CNTNAP2: variants seen among roughly 807,000 people sequenced by gnomAD.
CNTNAP2 encodes contactin associated protein 2.
A neutral mutation model predicts 155.2 loss-of-function variants in CNTNAP2; 98 were observed. That is an observed-to-expected ratio of 0.63 (90% CI 0.54 to 0.75). The LOEUF is 0.75. CNTNAP2 is among the 30% of genes least tolerant of loss of function. The pLI is 0.00. For synonymous variants in CNTNAP2, 651 were observed against 631.2 expected, an observed-to-expected ratio of 1.03 and a Z score of -0.47; for missense variants, 1,727 against 1,688.1, an observed-to-expected ratio of 1.02 and a Z score of -0.40.
chr7:146,352,949 T>G (rs1294817708), intron 1 of CNTNAP2, among the ~76,000 whole-genome samples: 1 of 151,560 alleles, frequency 6.6e-6, no homozygotes, highest in Non-Finnish European at 1.5e-5. Flanking sequence ...AGAGACAGGA[T>G]TTCACCCTGT....
At chr7:146,616,599 A>G (rs537932513) in intron 1 of CNTNAP2, among the ~76,000 whole-genome samples, 1 of 152,150 alleles carries the variant, frequency 6.6e-6, no homozygotes, top group Non-Finnish European at 1.5e-5. Flanking sequence ...TATAGTCAAA[A>G]AAAAGCTGAT....
chr7:147,833,398 A>G (rs939712470), intron 13 of CNTNAP2, among the ~76,000 whole-genome samples: 1 of 152,188 alleles, frequency 6.6e-6, no homozygotes, highest in Non-Finnish European at 1.5e-5. Flanking sequence ...TCCGAGCTCC[A>G]GAGAGCAGTG....
chr7:146,364,370 T>G (rs149229016), intron 1 of CNTNAP2, among the ~76,000 whole-genome samples: 15 of 152,322 alleles, frequency 9.8e-5, no homozygotes, highest in African/African-American at 3.1e-4. Context: ...TATATGCAAC[T>G]CACTGCTGAC....
At chr7:147,468,265 G>C (rs1224203798) in intron 10 of CNTNAP2, among the ~76,000 whole-genome samples, 1 of 152,162 alleles carries the variant, frequency 6.6e-6, no homozygotes, top group Non-Finnish European at 1.5e-5. Flanking sequence ...TCCAGTCTGA[G>C]AAAGACCCTG....
intron 1 of CNTNAP2, among the ~76,000 whole-genome samples, chr7:146,416,267 CATATATACCTAT>C (rs539291111): frequency 1.8e-4 from 27 of 150,248 alleles, no homozygotes; most frequent in Middle Eastern, 7.1e-3. Context: ...CATATATATA[CATATATACCTAT>C]ATATATACCT....
Position 146,923,478 on chromosome 7 carries a change from TATA to T in CNTNAP2, c.402+83578_402+83580del, listed in dbSNP as rs375222029. On this transcript the variant is annotated intron_variant, in intron 3 of 23. Transcript: ENST00000361727. ...TCATTGCTTGGCACAGTCGCTAGCA[TATA>T]ATATGTGCTTAGCAATATTTTTAAA... 7.1e-4 allele frequency among the ~76,000 whole-genome samples: 108 copies of T among 152,300 alleles called. No individual in the cohort carries two copies. The East Asian group carries it at 0.014, about 20-fold the overall frequency.
chr7:146,384,891 A>T (rs1795438603), intron 1 of CNTNAP2, among the ~76,000 whole-genome samples: 1 of 152,158 alleles, frequency 6.6e-6, no homozygotes, highest in African/African-American at 2.4e-5. Context: ...TATTTGCCTG[A>T]TTGAGCATAA....
At position 146,801,250 on chromosome 7, in the gene CNTNAP2, C is replaced by T. The variant is rs189432310; in HGVS notation, c.208+26869C>T. ...CATGAACTAATAGAGTGAGAACTCA[C>T]TCAGTACCAAGAGGACAGCACCAAG... On this transcript the variant is annotated intron_variant, in intron 2 of 23. Transcript: ENST00000361727. Among the ~76,000 whole-genome samples, 152 of 152,202 alleles carry T rather than the reference C, an allele frequency of 1.0e-3. 6 individuals are homozygous for T. In the South Asian group the frequency reaches 0.027, roughly 27 times the overall value.
At chr7:146,433,153 T>C (rs1796195220) in intron 1 of CNTNAP2, among the ~76,000 whole-genome samples, 1 of 152,192 alleles carries the variant, frequency 6.6e-6, no homozygotes, top group African/African-American at 2.4e-5. Context: ...CGTAGGGTGA[T>C]TAGTGATCCC....
chr7:147,004,121 G>C (rs1170282402), intron 3 of CNTNAP2, among the ~76,000 whole-genome samples: 2 of 150,592 alleles, frequency 1.3e-5, no homozygotes, highest in Non-Finnish European at 3.0e-5. Flanking sequence ...CATGATATTT[G>C]GCGAGGAAAT....
chr7:148,332,424 G>A (rs1798044555), intron 21 of CNTNAP2, among the ~76,000 whole-genome samples: 1 of 152,184 alleles, frequency 6.6e-6, no homozygotes, highest in Non-Finnish European at 1.5e-5. Flanking sequence ...GCAGTTCAGA[G>A]AGAAAGGATC....
intron 8 of CNTNAP2, chr7:147,146,638 AG>A (rs1266869892): frequency 6.6e-6 from 1 of 152,422 alleles, no homozygotes; most frequent in African/African-American, 2.4e-5. Flanking sequence ...GAAGTAAAAA[AG>A]AAAAAGTGAT....
rs60822571 is a variant in CNTNAP2, at chr7:146,128,003, C to T, written c.97+11030C>T. On this transcript the variant is annotated intron_variant, in intron 1 of 23. Coordinates refer to ENST00000361727, the MANE Select transcript of CNTNAP2 (RefSeq NM_014141.6). ...TTTATATTTTAAACTCCGTCTTCATCCTTACCTTTGCAACTTAGTACACAC... is the reference window on the plus strand; with the variant it reads ...TTTATATTTTAAACTCCGTCTTCATTCTTACCTTTGCAACTTAGTACACAC... 4.0e-3 allele frequency among the ~76,000 whole-genome samples: 605 copies of T among 152,230 alleles called. 2 individuals carry two copies. Among genetic ancestry groups the T allele is most frequent in the African/African-American group, 0.014 (578 of 41,544 alleles).
chr7:147,301,225 T>A (rs1054227915), intron 9 of CNTNAP2, among the ~76,000 whole-genome samples: 27 of 152,142 alleles, frequency 1.8e-4, no homozygotes, highest in African/African-American at 6.5e-4. Context: ...AGAAGAAGAT[T>A]ATCTTAATGA....
At chr7:147,994,207 CA>C (rs1048124191) in intron 15 of CNTNAP2, among the ~76,000 whole-genome samples, 3 of 151,868 alleles carry the variant, frequency 2.0e-5, no homozygotes, top group South Asian at 4.2e-4. Context: ...CCTGTATTTA[CA>C]AAAAAATAAA....
intron 11 of CNTNAP2, among the ~76,000 whole-genome samples, chr7:147,508,687 T>C (rs1016395015): frequency 6.6e-6 from 1 of 152,170 alleles, no homozygotes; most frequent in African/African-American, 2.4e-5. Context: ...AATTAAATCA[T>C]AGGGGCAGAT....
At chr7:147,794,243 G>A (rs1217509161) in intron 13 of CNTNAP2, among the ~76,000 whole-genome samples, 2 of 151,926 alleles carry the variant, frequency 1.3e-5, no homozygotes, top group African/African-American at 4.8e-5. Context: ...ATTTTAGGGG[G>A]AAGGTATTCA....
intron 14 of CNTNAP2, among the ~76,000 whole-genome samples, chr7:147,950,687 C>T (rs1480161659): frequency 6.6e-6 from 1 of 152,298 alleles, no homozygotes; most frequent in Non-Finnish European, 1.5e-5. Context: ...AAGCATGCCA[C>T]TTTGGCATAA....
At chr7:146,665,783 T>TAAAAAAAAAAAAAAAAAAAAAA (rs750837961) in intron 1 of CNTNAP2, among the ~76,000 whole-genome samples, 2 of 48,304 alleles carry the variant, frequency 4.1e-5, no homozygotes, top group African/African-American at 1.1e-4. Context: ...TCTGTCTCAT[T>TAAAAAAAAAAAAAAAAAAAAAA]AAAAAAAAAA....
Sources: gnomAD v4.1 joint callset for allele counts (sites outside exome capture counted in the v4.1 genomes callset) on GRCh38, gnomAD v4.1.1 for gene constraint, MANE v1.5 for transcripts, NCBI Gene and HGNC (gene_info 2026-07-23, HGNC 2026-07-21) for gene names.